SLC7A8: variants seen among roughly 807,000 people sequenced by gnomAD.
The protein encoded by SLC7A8 is large neutral amino acids transporter small subunit 2.
In SLC7A8, 30 loss-of-function variants were observed where a neutral mutation model predicts 51.2. The observed-to-expected ratio is 0.59, with a 90% CI of 0.44 to 0.80. The LOEUF is 0.80. SLC7A8 is among the 30% of genes least tolerant of loss of function. The probability of loss-of-function intolerance (pLI) is 0.00; values close to 1 mark genes in which losing one functional copy is unlikely to be tolerated. For missense variants in SLC7A8, 612 were observed against 674.4 expected, an observed-to-expected ratio of 0.91 and a Z score of 1.03; for synonymous variants, 257 against 275.8, an observed-to-expected ratio of 0.93 and a Z score of 0.67.
rs933135872 is a variant in SLC7A8 at position 23,155,055 on chromosome 14, C to T, written c.508+10230G>A. 10 of 844,250 alleles carry T rather than the reference C, an allele frequency of 1.2e-5. No homozygotes were observed. The African/African-American group carries it at 1.6e-4, about 13-fold the overall frequency. 52.3% of individuals were successfully genotyped at this position (844,250 alleles called of 1,614,324 possible). On this transcript the variant is annotated intron_variant, in intron 3 of 10. Transcript: ENST00000316902. ...CCTTCCTCATAAACTGCGCTTTGAT[C>T]CCAGCTTCTATAAAGTGCACAGTGG... is the stretch of plus-strand genomic sequence containing the variant.
intron 3 of SLC7A8, among the ~76,000 whole-genome samples, chr14:23,145,961 C>T (rs772765180): frequency 4.6e-5 from 7 of 152,218 alleles, no homozygotes; most frequent in Non-Finnish European, 1.0e-4. Flanking sequence ...ATGTTCCAGA[C>T]GGACTGACAT....
At chr14:23,154,135 C>T (rs1342170519) in intron 3 of SLC7A8, 2 of 461,020 alleles carry the variant, frequency 4.3e-6, no homozygotes, top group African/African-American at 2.1e-5. Flanking sequence ...GAAATCAGAA[C>T]GCCCTGTTCC....
At chr14:23,129,556 G>C in intron 9 of SLC7A8, 94 bp downstream of exon 9, 1 of 1,410,400 alleles carries the variant, frequency 7.1e-7, no homozygotes, top group Non-Finnish European at 9.7e-7. Context: ...GATGACGTGT[G>C]GTCAGCAGCT....
intron 3 of SLC7A8, among the ~76,000 whole-genome samples, chr14:23,143,429 T>G (rs34044964): frequency 3.9e-4 from 60 of 152,382 alleles, no homozygotes; most frequent in Non-Finnish European, 7.1e-4. Flanking sequence ...CATGCCCTGC[T>G]GAGGGCTGGA....
intron 10 of SLC7A8, among the ~76,000 whole-genome samples, chr14:23,127,555 T>C (rs184220159): frequency 1.2e-3 from 180 of 152,370 alleles, no homozygotes; most frequent in Middle Eastern, 6.8e-3. Flanking sequence ...CCACCTTCCC[T>C]GTGCCCACTG....
intron 1 of SLC7A8, among the ~76,000 whole-genome samples, chr14:23,178,885 C>A (rs1443026076): frequency 2.7e-4 from 21 of 78,728 alleles, no homozygotes; most frequent in East Asian, 7.5e-4. Context: ...ATCTTGTCTC[C>A]AAAAAAAAAA....
intron 1 of SLC7A8, among the ~76,000 whole-genome samples, chr14:23,172,566 C>T (rs2048980239): frequency 6.6e-6 from 1 of 152,216 alleles, no homozygotes. Flanking sequence ...GAAGGACCCA[C>T]ATCTTGCCTC....
intron 1 of SLC7A8, among the ~76,000 whole-genome samples, chr14:23,176,095 G>A (rs748034642): frequency 7.9e-5 from 12 of 152,198 alleles, no homozygotes; most frequent in Non-Finnish European, 1.6e-4. Flanking sequence ...ACAAACTCAA[G>A]AAGCAGTTTT....
At position 23,165,832 on chromosome 14, in the gene SLC7A8, C is replaced by A. The variant is rs1281392628; in HGVS notation, c.357-396G>T. Among the ~76,000 whole-genome samples, 1 of 152,074 alleles carries A rather than the reference C, an allele frequency of 6.6e-6. No individual in the cohort carries two copies. Among genetic ancestry groups the A allele is most frequent in the African/African-American group, 2.4e-5 (1 of 41,382 alleles). On this transcript the variant is annotated intron_variant, in intron 2 of 10. Transcript: ENST00000316902. The surrounding 1 kb of genome is among the most constrained non-coding windows in gnomAD (Gnocchi z 4.2). ...ATCAAGTGGGGGTTTGCAGGGGAAGCGCCTTCCACACCTTTTGGCCCATTG... is the reference window on the plus strand; with the variant it reads ...ATCAAGTGGGGGTTTGCAGGGGAAGAGCCTTCCACACCTTTTGGCCCATTG...
intron 1 of SLC7A8, among the ~76,000 whole-genome samples, chr14:23,170,436 C>T (rs1287274619): frequency 6.6e-6 from 1 of 152,062 alleles, no homozygotes; most frequent in Non-Finnish European, 1.5e-5. Context: ...TCCTTCCTTC[C>T]TTCCTGTCTC....
At chr14:23,141,302 A>AC (rs2048743070) in intron 4 of SLC7A8, among the ~76,000 whole-genome samples, 1 of 152,184 alleles carries the variant, frequency 6.6e-6, no homozygotes, top group Non-Finnish European at 1.5e-5. Flanking sequence ...GAAAAAAGAA[A>AC]AAAACAAACA....
At chr14:23,179,302 G>A (rs113839264) in intron 1 of SLC7A8, among the ~76,000 whole-genome samples, 3,283 of 152,066 alleles carry the variant, frequency 0.022, 132 homozygotes, top group African/African-American at 0.075. Flanking sequence ...CTCCCAATCA[G>A]GATATAAGGA....
At position 23,182,948 on chromosome 14, in the gene SLC7A8, C is replaced by T. The variant is rs372760231; in HGVS notation, c.-34G>A. On this transcript the variant is annotated 5_prime_UTR_variant, in exon 1 of 11. Coordinates refer to ENST00000316902, the MANE Select transcript of SLC7A8 (RefSeq NM_012244.4). ...GTAGGATTGCAACCTCAAAAGCTGC[C>T]TCCCTTTCTAAATGCGTATTCGTGT... The T allele has an allele frequency of 5.0e-6, 8 of 1,613,786 alleles. No homozygotes were observed. The African/African-American group carries it at 6.7e-5, about 13-fold the overall frequency.
chr14:23,127,738 T>C (rs2048591720), intron 10 of SLC7A8, among the ~76,000 whole-genome samples: 1 of 152,170 alleles, frequency 6.6e-6, no homozygotes, highest in South Asian at 2.1e-4. Context: ...TGTCTCAGCC[T>C]CCCAAAGTGC....
At position 23,151,964 on chromosome 14, in the gene SLC7A8, C is replaced by T. The variant is rs375370169; in HGVS notation, c.509-8760G>A. Among the ~76,000 whole-genome samples, 37 of 151,988 alleles carry T rather than the reference C, an allele frequency of 2.4e-4. 1 individual carries two copies. The highest frequency in any genetic ancestry group is 2.3e-3 in the East Asian group (12 of 5,138). ...TTCGGGAGGCTGAGAATCACTTGAA[C>T]CTGGGAGGCAGAGGTTGCAGTGAGC... On this transcript the variant is annotated intron_variant, in intron 3 of 10. Transcript: ENST00000316902.
chr14:23,130,917 C>T (rs1157030582), intron 8 of SLC7A8, among the ~76,000 whole-genome samples: 4 of 152,230 alleles, frequency 2.6e-5, no homozygotes, highest in Admixed American at 2.0e-4. Flanking sequence ...ATTTTACTCC[C>T]ATCTCTTTCC....
intron 1 of SLC7A8, among the ~76,000 whole-genome samples, chr14:23,174,720 A>G (rs955698104): frequency 6.6e-6 from 1 of 152,228 alleles, no homozygotes; most frequent in African/African-American, 2.4e-5. Context: ...CCACTCCTGC[A>G]GCAGAGAGGA....
rs2048690039 is a variant in SLC7A8, at chr14:23,136,358, C to G, written c.1016+1563G>C. Among the ~76,000 whole-genome samples, 2 of 152,164 alleles carry G rather than the reference C, an allele frequency of 1.3e-5. 1 individual carries two copies. Among genetic ancestry groups the G allele is most frequent in the South Asian group, 4.1e-4 (2 of 4,822 alleles). On this transcript the variant is annotated intron_variant, in intron 7 of 10. Coordinates refer to ENST00000316902, the MANE Select transcript of SLC7A8 (RefSeq NM_012244.4). ...ATAGCCAGGGTCCTGCACTCACGTCCCCCCTCCACATGCAGACAAGACCAA... is the reference window on the plus strand; with the variant it reads ...ATAGCCAGGGTCCTGCACTCACGTCGCCCCTCCACATGCAGACAAGACCAA...
chr14:23,182,024 A>G (rs887039196), intron 1 of SLC7A8, among the ~76,000 whole-genome samples: 6 of 151,936 alleles, frequency 3.9e-5, no homozygotes, highest in Admixed American at 1.3e-4. Flanking sequence ...TTCCTCCTCA[A>G]CTCCATATTC....
Sources: gnomAD v4.1 joint callset for allele counts (sites outside exome capture counted in the v4.1 genomes callset) on GRCh38, gnomAD v4.1.1 for gene constraint, Gnocchi (gnomAD v3.1) non-coding constraint, MANE v1.5 for transcripts, NCBI Gene and HGNC (gene_info 2026-07-23, HGNC 2026-07-21) for gene names.